The following TNFSF11 variants were observed in gnomAD, a reference collection of about 807,000 sequenced individuals.
TNFSF11 encodes TNF superfamily member 11, also known as tumor necrosis factor ligand superfamily member 11.
A neutral mutation model predicts 32.2 loss-of-function variants in TNFSF11; 12 were observed. The observed-to-expected ratio is 0.37, with a 90% confidence interval of 0.24 to 0.60. The LOEUF is 0.60. Ranked by LOEUF, TNFSF11 falls within the 20% of genes least tolerant of loss-of-function variation. The pLI is 0.66. For missense variants in TNFSF11, 345 were observed against 398.0 expected (o/e 0.87, Z 1.13); for synonymous variants, 172 against 152.1 (o/e 1.13, Z -0.96).
At chr13:42,600,489 T>G (rs2137904006) in intron 2 of TNFSF11, among the ~76,000 whole-genome samples, 1 of 152,364 alleles carries the variant, frequency 6.6e-6, no homozygotes, top group Middle Eastern at 3.4e-3. Context: ...GTTTATAATC[T>G]ACATCGTCTT....
chr13:42,566,256 T>C (rs1366304256), intron 1 of TNFSF11, among the ~76,000 whole-genome samples: 1 of 152,220 alleles, frequency 6.6e-6, no homozygotes, highest in Non-Finnish European at 1.5e-5. Flanking sequence ...GTCCTTCTTA[T>C]GCTGCCATCC....
intron 4 of TNFSF11, among the ~76,000 whole-genome samples, 171 bp from the exon 5 acceptor site, chr13:42,606,326 C>G (rs1398789335): frequency 2.0e-5 from 3 of 152,208 alleles, no homozygotes; most frequent in Non-Finnish European, 4.4e-5. Context: ...CAGAATGCAC[C>G]AAGTACATCT....
chr13:42,595,597 G>A (rs1868763853), intron 2 of TNFSF11, among the ~76,000 whole-genome samples: 1 of 152,202 alleles, frequency 6.6e-6, no homozygotes, highest in Admixed American at 6.5e-5. Flanking sequence ...TGTTCGCTGA[G>A]AGGTTTGTTG....
chr13:42,570,211 A>C (rs1873013575), upstream of TNFSF11, among the ~76,000 whole-genome samples: 2 of 152,210 alleles, frequency 1.3e-5, no homozygotes, highest in Non-Finnish European at 2.9e-5. Context: ...TATCCTTCTC[A>C]TATCTGCACT....
At position 42,607,894 on chromosome 13, in the gene TNFSF11, G is replaced by A. The variant is rs1869554899; in HGVS notation, c.*976G>A. 1 of 152,144 alleles carries A rather than the reference G, an allele frequency of 6.6e-6. No individual in the cohort carries two copies. The highest frequency in any genetic ancestry group is 2.4e-5 in the African/African-American group (1 of 41,296). 9.4% of individuals were successfully genotyped at this position (152,144 alleles called of 1,614,324 possible). On this transcript the variant is annotated 3_prime_UTR_variant, in exon 5 of 5. Transcript: ENST00000398795. ...TTTTCAAAATAGAAAAGTTATTAGT[G>A]GTTTATCAGCAAAAAAGTCCAATTT...
chr13:42,574,968 C>G (rs1400129959), intron 1 of TNFSF11, among the ~76,000 whole-genome samples: 1 of 152,258 alleles, frequency 6.6e-6, no homozygotes, highest in Non-Finnish European at 1.5e-5. Context: ...GCCCACCACC[C>G]GGCGGGTTTC....
intron 2 of TNFSF11, among the ~76,000 whole-genome samples, chr13:42,594,916 A>AT (rs1044208524): frequency 2.6e-5 from 4 of 151,536 alleles, no homozygotes; most frequent in Non-Finnish European, 4.4e-5. Context: ...TAATCCCAGC[A>AT]TTTTTTTATG....
chr13:42,590,583 G>A (rs1202939953), intron 2 of TNFSF11, among the ~76,000 whole-genome samples: 2 of 152,208 alleles, frequency 1.3e-5, no homozygotes, highest in Non-Finnish European at 2.9e-5. Context: ...GCCAATGGAA[G>A]GTGGCATTAT....
At chr13:42,588,618 C>T (rs960926879) in intron 2 of TNFSF11, among the ~76,000 whole-genome samples, 1 of 152,046 alleles carries the variant, frequency 6.6e-6, no homozygotes, top group Non-Finnish European at 1.5e-5. Flanking sequence ...GCGGGATGTG[C>T]CTTAGAGCAG....
At chr13:42,581,367 A>C in intron 2 of TNFSF11, 74 bp downstream of exon 2, 2 of 1,519,906 alleles carry the variant, frequency 1.3e-6, no homozygotes, top group Non-Finnish European at 1.8e-6. Flanking sequence ...AAACTGGCTA[A>C]GTGCTGTTGA....
chr13:42,571,297 T>G (rs537121462), upstream of TNFSF11, among the ~76,000 whole-genome samples: 78 of 152,330 alleles, frequency 5.1e-4, no homozygotes, highest in African/African-American at 1.7e-3. Context: ...TAGGTAGTAT[T>G]TGAAGCTGAT....
intron 1 of TNFSF11, among the ~76,000 whole-genome samples, chr13:42,578,971 A>G (rs1399982984): frequency 6.6e-6 from 1 of 152,242 alleles, no homozygotes; most frequent in Non-Finnish European, 1.5e-5. Flanking sequence ...TAATGTGTAT[A>G]AGAATCACCT....
chr13:42,599,677 C>T lies in TNFSF11; in HGVS notation c.388-1075C>T, dbSNP rs184461382. Among the ~76,000 whole-genome samples the T allele has an allele frequency of 1.4e-3, 214 of 152,224 alleles. 1 individual carries two copies. Among genetic ancestry groups the T allele is most frequent in the Admixed American group, 2.2e-3 (34 of 15,280 alleles). On this transcript the variant is annotated intron_variant, in intron 2 of 4. Coordinates refer to ENST00000398795, the MANE Select transcript of TNFSF11 (RefSeq NM_003701.4). The stretch of plus-strand genomic sequence containing the variant: ...CCGCAACCTCCCGGTTCAAGCGATT[C>T]GCCTGCCTCAGCCTCTTGAGTAGCT...
intron 2 of TNFSF11, 111 bp downstream of exon 2, chr13:42,581,404 G>A (rs1873610173): frequency 8.2e-7 from 1 of 1,224,078 alleles, no homozygotes; most frequent in African/African-American, 1.5e-5. Flanking sequence ...CTAATAATTT[G>A]TAAAAGAGCT....
intron 1 of TNFSF11, among the ~76,000 whole-genome samples, chr13:42,579,299 A>G (rs1873474664): frequency 6.6e-6 from 1 of 151,812 alleles, no homozygotes; most frequent in South Asian, 2.1e-4. Context: ...TCCCAGCTAC[A>G]TGGAAGGCTA....
At chr13:42,565,441 C>A (rs1330951038) in intron 1 of TNFSF11, among the ~76,000 whole-genome samples, 1 of 151,916 alleles carries the variant, frequency 6.6e-6, no homozygotes, top group Non-Finnish European at 1.5e-5. Context: ...AGAGTGTAAG[C>A]TTTGTGGGGA....
intron 2 of TNFSF11, among the ~76,000 whole-genome samples, chr13:42,586,140 A>C (rs1034463565): frequency 6.6e-6 from 1 of 152,258 alleles, no homozygotes; most frequent in Non-Finnish European, 1.5e-5. Context: ...TGTACATTTC[A>C]GAGCATGAAA....
chr13:42,581,239 A>G lies in TNFSF11; in HGVS notation c.333A>G (p.Leu111=), dbSNP rs757032583. The part of the protein sequence containing the change: ...DTTLESQDTK[L]IPDSCRRIKQ... The stretch of plus-strand genomic sequence containing the variant: ...CTCTGGAGAGTCAAGATACAAAATT[A>G]ATACCTGATTCATGTAGGAGAATTA... The change falls in exon 2 of 5, where the codon TTA becomes TTG. Residue 111 remains leucine (L), a synonymous_variant. Coordinates refer to ENST00000398795, the MANE Select transcript of TNFSF11 (RefSeq NM_003701.4). The G allele has an allele frequency of 6.2e-7, 1 of 1,614,146 alleles. No homozygotes were observed. Among genetic ancestry groups the G allele is most frequent in the South Asian group, 1.1e-5 (1 of 91,084 alleles).
chr13:42,568,013 T>C (rs1005791941), intron 2 of TNFSF11, among the ~76,000 whole-genome samples: 27 of 152,230 alleles, frequency 1.8e-4, no homozygotes, highest in Admixed American at 8.5e-4. Context: ...GAGTGATTTC[T>C]GTAACTTTCT....
Sources: gnomAD v4.1 joint callset for allele counts (sites outside exome capture counted in the v4.1 genomes callset) on GRCh38, gnomAD v4.1.1 for gene constraint, MANE v1.5 for transcripts, NCBI Gene and HGNC (gene_info 2026-07-23, HGNC 2026-07-21) for gene names.